Variants in SGIP1 observed in about 807,000 individuals in gnomAD.
SGIP1 encodes SH3GL interacting endocytic adaptor 1.
SGIP1 carries 38 observed loss-of-function variants against 107.5 expected under a neutral mutation model. The ratio of observed to expected loss-of-function variants is 0.35; its 90% CI spans 0.27 to 0.46. The LOEUF (loss-of-function observed/expected upper bound fraction) is 0.46. Ranked by LOEUF, SGIP1 falls within the 20% of genes least tolerant of loss-of-function variation. The pLI is 1.00. For synonymous variants in SGIP1, 365 were observed against 366.1 expected (o/e 1.00, Z 0.03); for missense variants, 929 against 1,019.5 (o/e 0.91, Z 1.21).
intron 13 of SGIP1, 41 bp downstream of exon 13, chr1:66,677,137 C>T: frequency 3.4e-6 from 5 of 1,490,970 alleles, no homozygotes; most frequent in Non-Finnish European, 4.7e-6. Flanking sequence ...ATAAGTGACT[C>T]ATTTTAGTGT....
At chr1:66,677,562 A>C (rs938930174) in intron 13 of SGIP1, among the ~76,000 whole-genome samples, 8 of 152,186 alleles carry the variant, frequency 5.3e-5, no homozygotes, top group Admixed American at 1.3e-4. Context: ...AACTGAGGCT[A>C]TATGGTAGAG....
chr1:66,626,338 C>T (rs924053058), intron 2 of SGIP1, among the ~76,000 whole-genome samples: 4 of 152,076 alleles, frequency 2.6e-5, no homozygotes, highest in African/African-American at 9.7e-5. Context: ...GACTAGATAA[C>T]ATCTCCAAGC....
intron 19 of SGIP1, 90 bp downstream of exon 19, chr1:66,719,495 T>A: frequency 1.1e-6 from 1 of 931,942 alleles, no homozygotes; most frequent in Non-Finnish European, 1.5e-6. Context: ...TTTTTTCTTT[T>A]AAAAAGCAAA....
intron 18 of SGIP1, among the ~76,000 whole-genome samples, chr1:66,699,872 A>C (rs1407997794): frequency 6.6e-6 from 1 of 152,208 alleles, no homozygotes; most frequent in African/African-American, 2.4e-5. Flanking sequence ...GAGCATAGTG[A>C]GGGTTGCAGT....
intron 1 of SGIP1, among the ~76,000 whole-genome samples, chr1:66,546,308 T>C (rs2056380784): frequency 6.6e-6 from 1 of 152,214 alleles, no homozygotes; most frequent in Non-Finnish European, 1.5e-5. Context: ...CTCACATATG[T>C]CTGCCTGACT....
At chr1:66,587,391 A>T (rs1403057341) in intron 1 of SGIP1, among the ~76,000 whole-genome samples, 2 of 147,300 alleles carry the variant, frequency 1.4e-5, no homozygotes, top group African/African-American at 2.5e-5. Context: ...TATTTTCTCT[A>T]TTTTCTGATT....
At chr1:66,648,798 C>T (rs963553450) in intron 7 of SGIP1, among the ~76,000 whole-genome samples, 3 of 152,170 alleles carry the variant, frequency 2.0e-5, no homozygotes, top group Non-Finnish European at 4.4e-5. Flanking sequence ...TAACAGAAGG[C>T]ACATATCACA....
At chr1:66,663,674 G>A (rs985312396) in intron 8 of SGIP1, among the ~76,000 whole-genome samples, 1 of 152,122 alleles carries the variant, frequency 6.6e-6, no homozygotes, top group East Asian at 1.9e-4. Flanking sequence ...TAATCAGCCT[G>A]TGACTACATG....
chr1:66,533,550 T>C (rs2052874346), upstream of SGIP1: 3 of 151,964 alleles, frequency 2.0e-5, no homozygotes, highest in Non-Finnish European at 4.4e-5. Context: ...TGATGTGACG[T>C]CAGTCGGATT....
At chr1:66,585,225 A>T (rs2062422867) in intron 1 of SGIP1, among the ~76,000 whole-genome samples, 1 of 152,040 alleles carries the variant, frequency 6.6e-6, no homozygotes, top group Admixed American at 6.6e-5. Context: ...TTGCATTCTT[A>T]GCCATGTTCT....
At chr1:66,618,423 A>G (rs1357439929) in intron 1 of SGIP1, among the ~76,000 whole-genome samples, 1 of 152,232 alleles carries the variant, frequency 6.6e-6, no homozygotes, top group East Asian at 1.9e-4. Context: ...GATTATATAA[A>G]CACTAAGCAG....
rs2094510680 is a variant in SGIP1, at chr1:66,743,273, A to G, written c.*178A>G. The G allele has an allele frequency of 1.8e-6, 1 of 557,218 alleles. No homozygotes were observed. The allele number at this position is 557,218 out of a possible 1,614,324, so 34.5% of individuals were successfully genotyped here. A position where few individuals can be genotyped will look rare whatever the true frequency, so the allele number is the denominator to read the frequency against. On this transcript the variant is annotated 3_prime_UTR_variant, in exon 25 of 25. Coordinates refer to ENST00000371037, the MANE Select transcript of SGIP1 (RefSeq NM_032291.4). ...ACACACTACCATGATGACCAGTCCT[A>G]CAGTATTTACTTCTAGGTGTAATAT...
rs904885537 is a variant in SGIP1 at position 66,746,966 on chromosome 1, G to C, written c.*3871G>C. 8 of 151,954 alleles carry C rather than the reference G, an allele frequency of 5.3e-5. No homozygotes were observed. The highest frequency in any genetic ancestry group is 2.0e-4 in the Admixed American group (3 of 15,226). The allele number at this position is 151,954 out of a possible 1,614,324, so 9.4% of individuals were successfully genotyped here. ...ATCACTTATTAATGATTTTGGCTTGGTCACCACTATGCCTGGAAGATAGTA... is the reference window on the plus strand; with the variant it reads ...ATCACTTATTAATGATTTTGGCTTGCTCACCACTATGCCTGGAAGATAGTA... On this transcript the variant is annotated 3_prime_UTR_variant, in exon 25 of 25. Coordinates refer to ENST00000371037, the MANE Select transcript of SGIP1 (RefSeq NM_032291.4).
chr1:66,637,643 T>G (rs920470924), intron 4 of SGIP1, among the ~76,000 whole-genome samples: 1 of 151,754 alleles, frequency 6.6e-6, no homozygotes, highest in African/African-American at 2.4e-5. Context: ...AACTGGGAAA[T>G]TTTCACTCTG....
At chr1:66,639,948 A>T (rs773742196) in intron 5 of SGIP1, 115 bp downstream of exon 5, 2 of 788,144 alleles carry the variant, frequency 2.5e-6, no homozygotes, top group Non-Finnish European at 4.1e-6. Context: ...GTCATTAGGA[A>T]GTGTCTGGCA....
chr1:66,714,909 G>T (rs1204295276), intron 18 of SGIP1, among the ~76,000 whole-genome samples: 1 of 152,028 alleles, frequency 6.6e-6, no homozygotes, highest in African/African-American at 2.4e-5. Flanking sequence ...ACACTTTTCT[G>T]GTTTTAGCCC....
chr1:66,632,234 T>C (rs2149390822), intron 2 of SGIP1, among the ~76,000 whole-genome samples: 1 of 152,314 alleles, frequency 6.6e-6, no homozygotes, highest in East Asian at 1.9e-4. Context: ...GACACCCAGC[T>C]TCATCTTACT....
In SGIP1 at chr1:66,750,033, GGGGGT is replaced by G. The variant is rs775093326; in HGVS notation, c.*6940_*6944del. On this transcript the variant is annotated 3_prime_UTR_variant, in exon 25 of 25. Coordinates refer to ENST00000371037, the MANE Select transcript of SGIP1 (RefSeq NM_032291.4). ...TCTCTCTCTTTCTCTGTGTGTGTGT[GGGGGT>G]GTGTGTGTGTGTGTGTGTGTGTGTG... is the stretch of plus-strand genomic sequence containing the variant. Among the ~76,000 whole-genome samples, 5 of 81,432 alleles carry G rather than the reference GGGGGT, an allele frequency of 6.1e-5. No individual in the cohort carries two copies. Among genetic ancestry groups the G allele is most frequent in the African/African-American group, 1.3e-4 (3 of 23,498 alleles). 53.4% of individuals were successfully genotyped at this position (81,432 alleles called of 152,430 possible).
rs1367781080 is a variant in SGIP1, at chr1:66,739,396, C to T, written c.2093C>T (p.Pro698Leu). The change falls in exon 22 of 25, where the codon CCT becomes CTT. Residue 698 changes from proline (P) to leucine (L), a missense_variant. By Grantham distance (98) the Pro-to-Leu change is moderately conservative. Around this residue, in one of 2 missense-constraint regions of SGIP1, gnomAD observed 341 missense variants for 430.9 expected, o/e 0.79. Coordinates refer to ENST00000371037, the MANE Select transcript of SGIP1 (RefSeq NM_032291.4). ...CTGGCAGTGAATTGGCGATGTGAGCCTTCAAGCACTGACCTGCGCATAGAT... is the reference window on the plus strand; with the variant it reads ...CTGGCAGTGAATTGGCGATGTGAGCTTTCAAGCACTGACCTGCGCATAGAT... ...LNLAVNWRCE[P>L]SSTDLRIDYK... 2 of 1,614,146 alleles carry T rather than the reference C, an allele frequency of 1.2e-6. No individual in the cohort carries two copies. The highest frequency in any genetic ancestry group is 1.7e-6 in the Non-Finnish European group (2 of 1,180,022).
Sources: allele counts gnomAD v4.1 joint callset (sites outside exome capture counted in the v4.1 genomes callset), GRCh38; gene constraint gnomAD v4.1.1; regional missense constraint gnomAD v4.1.1; transcripts MANE v1.5; gene names NCBI Gene and HGNC (gene_info 2026-07-23, HGNC 2026-07-21).